Variants in SLC25A21 observed in about 807,000 individuals in gnomAD.
The protein encoded by SLC25A21 is solute carrier family 25 member 21.
Under a neutral mutation model 43.8 loss-of-function variants are expected in SLC25A21, and 47 were observed. The ratio of observed to expected loss-of-function variants is 1.07; its 90% CI spans 0.85 to 1.37. SLC25A21 has a LOEUF of 1.37. SLC25A21 is among the 40% of genes most tolerant of loss of function. The probability of loss-of-function intolerance (pLI) is 0.00; values close to 1 mark genes in which losing one functional copy is unlikely to be tolerated. For synonymous variants in SLC25A21, 131 were observed against 121.3 expected (o/e 1.08, Z -0.52); for missense variants, 352 against 350.2 (o/e 1.00, Z -0.04).
At chr14:36,758,468 C>A (rs1165928020) in intron 3 of SLC25A21, among the ~76,000 whole-genome samples, 1 of 151,648 alleles carries the variant, frequency 6.6e-6, no homozygotes, top group African/African-American at 2.4e-5. Flanking sequence ...ATGTCTCCAA[C>A]AACGCAGCCA....
At chr14:37,058,937 T>C (rs574475158) in intron 1 of SLC25A21, among the ~76,000 whole-genome samples, 1 of 152,274 alleles carries the variant, frequency 6.6e-6, no homozygotes, top group African/African-American at 2.4e-5. Context: ...CTCAAACTCC[T>C]CCCTTAAGAA....
At chr14:37,170,754 C>T (rs1025053948) in intron 1 of SLC25A21, among the ~76,000 whole-genome samples, 7 of 151,118 alleles carry the variant, frequency 4.6e-5, no homozygotes, top group Non-Finnish European at 8.9e-5. Flanking sequence ...TGGTGAAACC[C>T]TGACTCTACA....
intron 1 of SLC25A21, among the ~76,000 whole-genome samples, chr14:36,879,742 G>A (rs1227179444): frequency 2.0e-5 from 3 of 151,568 alleles, no homozygotes; most frequent in African/African-American, 7.3e-5. Context: ...TGGGCAGCCT[G>A]TTCAACCACA....
At chr14:37,100,137 C>T (rs1962789325) in intron 1 of SLC25A21, among the ~76,000 whole-genome samples, 1 of 152,104 alleles carries the variant, frequency 6.6e-6, no homozygotes. Flanking sequence ...CAGCTCACTG[C>T]AACCTTCGCC....
chr14:36,954,183 G>A (rs1001750875), intron 1 of SLC25A21, among the ~76,000 whole-genome samples: 2 of 152,088 alleles, frequency 1.3e-5, no homozygotes, highest in African/African-American at 4.8e-5. Context: ...ATCATCCCCA[G>A]TAAAAAATGT....
At chr14:36,886,461 A>G (rs577711754) in intron 1 of SLC25A21, among the ~76,000 whole-genome samples, 3 of 152,212 alleles carry the variant, frequency 2.0e-5, no homozygotes, top group Non-Finnish European at 4.4e-5. Flanking sequence ...ACACTAAGCA[A>G]TGGCTGTTAG....
intron 1 of SLC25A21, among the ~76,000 whole-genome samples, chr14:37,046,924 GT>G (rs1278245970): frequency 6.6e-6 from 1 of 152,156 alleles, no homozygotes; most frequent in Non-Finnish European, 1.5e-5. Flanking sequence ...CTCTGAGTCT[GT>G]CTTAAATACA....
intron 1 of SLC25A21, among the ~76,000 whole-genome samples, chr14:37,056,927 T>TA (rs1163852758): frequency 2.6e-5 from 4 of 152,182 alleles, no homozygotes; most frequent in African/African-American, 7.2e-5. Flanking sequence ...TTTTTCTCCC[T>TA]AGAAGCCTTT....
At chr14:36,893,222 C>G (rs1280096435) in intron 1 of SLC25A21, among the ~76,000 whole-genome samples, 1 of 152,164 alleles carries the variant, frequency 6.6e-6, no homozygotes, top group Non-Finnish European at 1.5e-5. Context: ...TGTTTCCTGA[C>G]TTTTTAATGA....
intron 1 of SLC25A21, among the ~76,000 whole-genome samples, chr14:37,008,315 C>T (rs1594749885): frequency 6.6e-6 from 1 of 152,288 alleles, no homozygotes; most frequent in East Asian, 1.9e-4. Flanking sequence ...TGATGAATTA[C>T]AGAACAAAAT....
At chr14:36,853,013 T>C (rs1889790877) in intron 2 of SLC25A21, among the ~76,000 whole-genome samples, 1 of 152,148 alleles carries the variant, frequency 6.6e-6, no homozygotes, top group South Asian at 2.1e-4. Flanking sequence ...TACATTCTTA[T>C]TGTGAAAACC....
chr14:37,016,293 A>G (rs1001690102), intron 1 of SLC25A21, among the ~76,000 whole-genome samples: 19 of 152,272 alleles, frequency 1.2e-4, no homozygotes, highest in Admixed American at 2.6e-4. Context: ...CATTTATTAA[A>G]TAGGGAATCC....
intron 1 of SLC25A21, among the ~76,000 whole-genome samples, chr14:37,137,416 C>T (rs987433103): frequency 2.0e-5 from 3 of 151,926 alleles, no homozygotes; most frequent in Non-Finnish European, 2.9e-5. Flanking sequence ...TTAATTTTGC[C>T]CATTATGCAA....
intron 5 of SLC25A21, among the ~76,000 whole-genome samples, chr14:36,726,647 G>A (rs569852390): frequency 3.3e-4 from 51 of 152,292 alleles, no homozygotes; most frequent in African/African-American, 1.1e-3. Context: ...GAATGCTTGT[G>A]TGTTTTCCAG....
At chr14:36,892,966 G>A (rs966955098) in intron 1 of SLC25A21, among the ~76,000 whole-genome samples, 4 of 152,112 alleles carry the variant, frequency 2.6e-5, no homozygotes, top group Admixed American at 1.3e-4. Flanking sequence ...CATTTGGGTT[G>A]GTTCCAAGTC....
chr14:36,737,217 G>T (rs1165846148), intron 3 of SLC25A21, among the ~76,000 whole-genome samples: 4 of 152,186 alleles, frequency 2.6e-5, no homozygotes, highest in Non-Finnish European at 1.5e-5. Flanking sequence ...TGCTTCTCTG[G>T]AAGAGGACTA....
At chr14:37,136,429 T>A (rs1166492920) in intron 1 of SLC25A21, among the ~76,000 whole-genome samples, 1 of 152,232 alleles carries the variant, frequency 6.6e-6, no homozygotes, top group Non-Finnish European at 1.5e-5. Context: ...ACATTTTTTT[T>A]CCTGTCACTA....
At chr14:36,761,716 T>C (rs1234566295) in intron 3 of SLC25A21, among the ~76,000 whole-genome samples, 3 of 152,168 alleles carry the variant, frequency 2.0e-5, no homozygotes, top group Admixed American at 2.0e-4. Context: ...CCAAATGATA[T>C]ATAAATATAT....
rs185120818 is a variant in SLC25A21 at position 36,805,677 on chromosome 14, C to T, written c.203+8241G>A. ...AAATAAGTCACTGCCTGTTCTTCTTCGGTATTCTTTCTCCTTACCCTTCAT... is the reference window on the plus strand; with the variant it reads ...AAATAAGTCACTGCCTGTTCTTCTTTGGTATTCTTTCTCCTTACCCTTCAT... On this transcript the variant is annotated intron_variant, in intron 3 of 9. Coordinates refer to ENST00000331299, the MANE Select transcript of SLC25A21 (RefSeq NM_030631.4). 4.7e-3 allele frequency among the ~76,000 whole-genome samples: 710 copies of T among 151,604 alleles called. 2 individuals carry two copies. Among genetic ancestry groups the T allele is most frequent in the Non-Finnish European group, 7.7e-3 (520 of 67,720 alleles).
Sources: allele counts gnomAD v4.1 joint callset (sites outside exome capture counted in the v4.1 genomes callset), GRCh38; gene constraint gnomAD v4.1.1; transcripts MANE v1.5; gene names NCBI Gene and HGNC (gene_info 2026-07-23, HGNC 2026-07-21).